MACROD2: variants seen among roughly 807,000 people sequenced by gnomAD.
The protein encoded by MACROD2 is ADP-ribose glycohydrolase MACROD2.
In MACROD2, 36 loss-of-function variants were observed where a neutral mutation model predicts 70.4. That is an observed-to-expected ratio of 0.51 (90% CI 0.39 to 0.68). The LOEUF is 0.68. Among genes scored for constraint, MACROD2 ranks in the 30% least tolerant of loss-of-function variants. MACROD2 has a pLI of 0.00. For missense variants in MACROD2, 496 were observed against 538.4 expected (o/e 0.92, Z 0.78); for synonymous variants, 172 against 178.8 (o/e 0.96, Z 0.30).
chr20:15,691,524 A>G (rs1322743607), intron 8 of MACROD2, among the ~76,000 whole-genome samples: 1 of 152,198 alleles, frequency 6.6e-6, no homozygotes, highest in Non-Finnish European at 1.5e-5. Context: ...AATACAAACT[A>G]GAACATTAGA....
At chr20:15,005,911 C>A (rs2075032054) in intron 5 of MACROD2, among the ~76,000 whole-genome samples, 1 of 151,992 alleles carries the variant, frequency 6.6e-6, no homozygotes, top group Admixed American at 6.6e-5. Flanking sequence ...CCGATTTTGC[C>A]TCTTATGATT....
intron 5 of MACROD2, among the ~76,000 whole-genome samples, chr20:14,937,239 G>A (rs1444374096): frequency 6.6e-6 from 1 of 152,052 alleles, no homozygotes; most frequent in Non-Finnish European, 1.5e-5. Flanking sequence ...GGGAGTGTGA[G>A]TGGAGGCAGT....
At chr20:14,830,877 G>A (rs1387013408) in intron 5 of MACROD2, among the ~76,000 whole-genome samples, 3 of 152,062 alleles carry the variant, frequency 2.0e-5, no homozygotes, top group African/African-American at 4.8e-5. Flanking sequence ...GTGCTTTGCT[G>A]GCTAGAAAAT....
At chr20:13,998,243 C>T (rs1476680732) in intron 1 of MACROD2, among the ~76,000 whole-genome samples, 1 of 151,744 alleles carries the variant, frequency 6.6e-6, no homozygotes, top group East Asian at 1.9e-4. Flanking sequence ...CTGAAGACCA[C>T]ATATGTTTAA....
At chr20:15,650,950 C>G (rs1203774868) in intron 8 of MACROD2, among the ~76,000 whole-genome samples, 1 of 152,200 alleles carries the variant, frequency 6.6e-6, no homozygotes, top group African/African-American at 2.4e-5. Flanking sequence ...CCTAGCCTTT[C>G]TATCTGCTCT....
intron 6 of MACROD2, among the ~76,000 whole-genome samples, chr20:15,318,362 A>C (rs1437885712): frequency 6.6e-6 from 1 of 152,250 alleles, no homozygotes; most frequent in Admixed American, 6.5e-5. Context: ...GAAAAGCCTA[A>C]GACCAGATGG....
At chr20:15,863,434 T>C (rs144406942) in intron 9 of MACROD2, among the ~76,000 whole-genome samples, 2 of 152,296 alleles carry the variant, frequency 1.3e-5, no homozygotes, top group African/African-American at 2.4e-5. Flanking sequence ...AATGTGCCGT[T>C]AGTTGGATTT....
intron 8 of MACROD2, among the ~76,000 whole-genome samples, chr20:15,543,694 G>A (rs1328539736): frequency 6.6e-6 from 1 of 152,180 alleles, no homozygotes; most frequent in Non-Finnish European, 1.5e-5. Context: ...AAACACAGTA[G>A]GCACTTTTTG....
At chr20:15,587,663 G>C (rs1330172592) in intron 8 of MACROD2, among the ~76,000 whole-genome samples, 1 of 152,124 alleles carries the variant, frequency 6.6e-6, no homozygotes, top group Admixed American at 6.5e-5. Flanking sequence ...AAATAAAGGG[G>C]ATACAGGGCC....
At chr20:14,261,476 G>C (rs770136815) in intron 3 of MACROD2, among the ~76,000 whole-genome samples, 19 of 152,072 alleles carry the variant, frequency 1.2e-4, no homozygotes, top group Non-Finnish European at 2.5e-4. Flanking sequence ...ATAGTTCAGA[G>C]TAGGTGAAAA....
At chr20:15,938,254 T>C (rs2065696676) in intron 12 of MACROD2, among the ~76,000 whole-genome samples, 1 of 152,162 alleles carries the variant, frequency 6.6e-6, no homozygotes, top group Non-Finnish European at 1.5e-5. Context: ...TAATATAGGC[T>C]TACCTTGTTT....
intron 3 of MACROD2, among the ~76,000 whole-genome samples, chr20:14,205,307 C>T (rs1297833472): frequency 1.3e-5 from 2 of 152,138 alleles, no homozygotes; most frequent in Non-Finnish European, 2.9e-5. Flanking sequence ...GGTTTCTTGT[C>T]TCATGACCAG....
At chr20:15,178,425 A>AT (rs1439241908) in intron 5 of MACROD2, among the ~76,000 whole-genome samples, 1 of 152,216 alleles carries the variant, frequency 6.6e-6, no homozygotes, top group Non-Finnish European at 1.5e-5. Flanking sequence ...CTGTGTGGTT[A>AT]TGACATTTGT....
intron 8 of MACROD2, among the ~76,000 whole-genome samples, chr20:15,503,261 A>G (rs561426072): frequency 2.0e-5 from 3 of 152,342 alleles, no homozygotes; most frequent in Admixed American, 6.5e-5. Context: ...AAAAATATAA[A>G]GAAGACAAGA....
chr20:14,207,746 C>G (rs2081536462), intron 3 of MACROD2, among the ~76,000 whole-genome samples: 1 of 152,168 alleles, frequency 6.6e-6, no homozygotes, highest in African/African-American at 2.4e-5. Context: ...AGACATATAA[C>G]TTTAGGCAGT....
chr20:14,047,997 G>A (rs1433304522), intron 2 of MACROD2, among the ~76,000 whole-genome samples: 5 of 146,174 alleles, frequency 3.4e-5, no homozygotes, highest in East Asian at 2.0e-4. Flanking sequence ...AATCTGATTG[G>A]CATTTGATTT....
chr20:14,634,874 G>T (rs1600483240), intron 4 of MACROD2, among the ~76,000 whole-genome samples: 1 of 152,316 alleles, frequency 6.6e-6, no homozygotes, highest in East Asian at 1.9e-4. Flanking sequence ...TTGCAAGGGA[G>T]AGAATAAAAA....
intron 5 of MACROD2, among the ~76,000 whole-genome samples, chr20:14,925,905 G>A (rs896477405): frequency 1.3e-5 from 2 of 152,158 alleles, no homozygotes; most frequent in Non-Finnish European, 1.5e-5. Context: ...GACTTATATA[G>A]TATGTTCCTG....
chr20:14,554,753 C>A (rs1347570327), intron 4 of MACROD2, among the ~76,000 whole-genome samples: 1 of 152,072 alleles, frequency 6.6e-6, no homozygotes, highest in African/African-American at 2.4e-5. Context: ...AAACAACTCT[C>A]AGGGGGAAAA....
Sources: allele counts gnomAD v4.1 joint callset (sites outside exome capture counted in the v4.1 genomes callset), GRCh38; gene constraint gnomAD v4.1.1; transcripts MANE v1.5; gene names NCBI Gene and HGNC (gene_info 2026-07-23, HGNC 2026-07-21).